Variants in FBN2 observed in about 807,000 individuals in gnomAD.
FBN2 encodes fibrillin-2.
Under a neutral mutation model 355.6 loss-of-function variants are expected in FBN2, and 105 were observed. The observed-to-expected ratio is 0.30, with a 90% confidence interval of 0.25 to 0.35. The LOEUF (loss-of-function observed/expected upper bound fraction) is 0.35, where lower values mean the gene tolerates loss of function less well. Ranked by LOEUF, FBN2 falls within the 10% of genes least tolerant of loss-of-function variation. FBN2 has a pLI of 1.00. For synonymous variants in FBN2, 1,350 were observed against 1,301.2 expected (o/e 1.04, Z -0.81); for missense variants, 3,280 against 3,758.7 (o/e 0.87, Z 3.33).
chr5:128,504,432 G>A (rs1297748311), intron 5 of FBN2, among the ~76,000 whole-genome samples: 1 of 152,142 alleles, frequency 6.6e-6, no homozygotes, highest in Non-Finnish European at 1.5e-5. Flanking sequence ...AGCGTGAGAG[G>A]GGCTGTAACC....
At chr5:128,536,751 CAT>C (rs949198408) in intron 1 of FBN2, among the ~76,000 whole-genome samples, 7 of 152,150 alleles carry the variant, frequency 4.6e-5, no homozygotes, top group African/African-American at 1.4e-4. Context: ...GGCATGGAAA[CAT>C]ATAATTTGCT....
intron 15 of FBN2, 78 bp downstream of exon 15, chr5:128,374,550 C>T (rs1561424701): frequency 1.3e-6 from 2 of 1,567,474 alleles, no homozygotes; most frequent in Non-Finnish European, 1.8e-6. Flanking sequence ...GAATATTACT[C>T]CACTGTATAG....
chr5:128,306,350 T>C (rs978646548), intron 42 of FBN2, among the ~76,000 whole-genome samples: 1 of 152,218 alleles, frequency 6.6e-6, no homozygotes, highest in East Asian at 1.9e-4. Flanking sequence ...CCAGGTGTGG[T>C]GGCTCACGCC....
chr5:128,290,632 T>A (rs1749295186), intron 50 of FBN2, 100 bp downstream of exon 50: 1 of 1,220,108 alleles, frequency 8.2e-7, no homozygotes, highest in African/African-American at 1.5e-5. Flanking sequence ...GGAGATGATT[T>A]CACTCTCAAA....
At chr5:128,395,557 G>A (rs368501470) in intron 8 of FBN2, among the ~76,000 whole-genome samples, 1 of 152,224 alleles carries the variant, frequency 6.6e-6, no homozygotes, top group Non-Finnish European at 1.5e-5. Context: ...TCAGCCTGGA[G>A]ATGCGCACTG....
chr5:128,300,773 T>C (rs1749691549), intron 48 of FBN2, 44 bp downstream of exon 48: 3 of 1,605,284 alleles, frequency 1.9e-6, no homozygotes, highest in African/African-American at 1.3e-5. Flanking sequence ...CATGTCTTAC[T>C]ATACTGAACT....
chr5:128,334,144 ACAAAGTGAG>A (rs1475289461), intron 31 of FBN2, among the ~76,000 whole-genome samples: 3 of 152,128 alleles, frequency 2.0e-5, no homozygotes, highest in Non-Finnish European at 2.9e-5. Flanking sequence ...GGAACAAAAG[ACAAAGTGAG>A]CAAAGTGAGC....
At chr5:128,270,733 A>G (rs779685304) in intron 62 of FBN2, among the ~76,000 whole-genome samples, 8 of 152,210 alleles carry the variant, frequency 5.3e-5, no homozygotes, top group Non-Finnish European at 1.2e-4. Context: ...AATGTTTTAC[A>G]TTATTTTAAT....
chr5:128,483,146 A>G (rs1282174530), intron 5 of FBN2, among the ~76,000 whole-genome samples: 2 of 152,134 alleles, frequency 1.3e-5, no homozygotes, highest in Non-Finnish European at 2.9e-5. Flanking sequence ...AACAATAGAC[A>G]CCAGGGACTA....
At chr5:128,502,167 T>C (rs1440211822) in intron 5 of FBN2, among the ~76,000 whole-genome samples, 5 of 148,214 alleles carry the variant, frequency 3.4e-5, no homozygotes, top group African/African-American at 1.2e-4. Context: ...TCTACAGAAA[T>C]ATGGAAGGAA....
intron 31 of FBN2, among the ~76,000 whole-genome samples, chr5:128,334,302 A>G (rs1434078345): frequency 6.6e-6 from 1 of 152,188 alleles, no homozygotes; most frequent in Non-Finnish European, 1.5e-5. Flanking sequence ...ATGAAACTTG[A>G]TTAATTTTTA....
In FBN2 at chr5:128,333,048, A is replaced by G; in HGVS notation, c.4100-14T>C. 1.2e-6 allele frequency: 2 copies of G among 1,606,962 alleles called. No individual in the cohort carries two copies. Among genetic ancestry groups the G allele is most frequent in the Non-Finnish European group, 1.7e-6 (2 of 1,173,566 alleles). The stretch of plus-strand genomic sequence containing the variant: ...ACTCATCCACATCTGATAAACCATA[A>G]TTCATAAGAAGAAAATCAAAATACA... On this transcript the variant is annotated splice_polypyrimidine_tract_variant and intron_variant, in intron 31 of 64. Coordinates refer to ENST00000262464, the MANE Select transcript of FBN2 (RefSeq NM_001999.4).
intron 55 of FBN2, among the ~76,000 whole-genome samples, chr5:128,285,745 G>C (rs1169801056): frequency 6.6e-6 from 1 of 151,902 alleles, no homozygotes; most frequent in Non-Finnish European, 1.5e-5. Flanking sequence ...TTCTTAATCT[G>C]ATCACAGTGC....
chr5:128,377,014 A>G (rs975684065), intron 13 of FBN2, among the ~76,000 whole-genome samples, 161 bp from the exon 14 acceptor site: 1 of 152,194 alleles, frequency 6.6e-6, no homozygotes, highest in African/African-American at 2.4e-5. Flanking sequence ...ATGAGAAAAA[A>G]TAGTGCGGAG....
rs781343340 is a variant in FBN2 at position 128,530,649 on chromosome 5, T to C, written c.382A>G (p.Asn128Asp). The C allele has an allele frequency of 1.9e-6, 3 of 1,613,278 alleles. No individual in the cohort carries two copies. Among genetic ancestry groups the C allele is most frequent in the Admixed American group, 1.7e-5 (1 of 59,968 alleles). The change falls in exon 3 of 65, where the codon AAC (asparagine) becomes GAC (aspartate). Residue 128 changes from asparagine to aspartate, a missense_variant. This residue lies in a region of FBN2 where 130 missense variants were observed against 189.9 expected (regional missense o/e 0.68). Coordinates refer to ENST00000262464, the MANE Select transcript of FBN2 (RefSeq NM_001999.4). The stretch of plus-strand genomic sequence containing the variant: ...TGCCCACTGGAACAAGTACACATGT[T>C]AGGACGGGAACAAAATCCATCTCCA... ...SCGDGFCSRP[N>D]MCTCSSGQIS...
intron 7 of FBN2, among the ~76,000 whole-genome samples, chr5:128,428,139 C>A (rs902415594): frequency 1.3e-5 from 2 of 152,154 alleles, no homozygotes; most frequent in Admixed American, 6.5e-5. Flanking sequence ...ACCCCTGGTC[C>A]AAGCTACCAT....
chr5:128,393,153 G>T lies in FBN2; in HGVS notation c.1447C>A (p.Pro483Thr). The T allele has an allele frequency of 6.2e-7, 1 of 1,613,770 alleles. No homozygotes were observed. Among genetic ancestry groups the T allele is most frequent in the Non-Finnish European group, 8.5e-7 (1 of 1,179,676 alleles). The change falls in exon 10 of 65, where the codon CCT (proline) becomes ACT (threonine). Residue 483 changes from proline (P) to threonine (T), a missense_variant. Physicochemically the swap from Pro to Thr is conservative, Grantham distance 38. Coordinates refer to ENST00000262464, the MANE Select transcript of FBN2 (RefSeq NM_001999.4). Reference protein sequence around the residue: ...GAGVGAGGQGPIITGLTILNQ... With the variant: ...GAGVGAGGQGTIITGLTILNQ... ...CACTTACTTAGTCCAGTGATGATAG[G>T]TCCCTGTCCCCCGGCCCCCACACCG... is the stretch of plus-strand genomic sequence containing the variant.
intron 5 of FBN2, among the ~76,000 whole-genome samples, chr5:128,506,349 A>C (rs962676067): frequency 1.3e-5 from 2 of 152,152 alleles, no homozygotes; most frequent in Non-Finnish European, 2.9e-5. Context: ...TTTGTTCAGC[A>C]ATGTTTTGCA....
intron 59 of FBN2, 66 bp downstream of exon 59, chr5:128,275,972 C>A (rs1267690004): frequency 1.3e-6 from 2 of 1,560,224 alleles, no homozygotes; most frequent in African/African-American, 2.7e-5. Flanking sequence ...TCCTGATAAT[C>A]TAATATTTAA....
Sources: gnomAD v4.1 joint callset for allele counts (sites outside exome capture counted in the v4.1 genomes callset) on GRCh38, gnomAD v4.1.1 for gene constraint, gnomAD v4.1.1 regional missense constraint, MANE v1.5 for transcripts, NCBI Gene and HGNC (gene_info 2026-07-23, HGNC 2026-07-21) for gene names.